Variants in SUSD5 observed in about 807,000 individuals in gnomAD.
SUSD5 encodes sushi domain containing 5, also known as sushi domain-containing protein 5.
SUSD5 carries 33 observed loss-of-function variants against 29.5 expected under a neutral mutation model. That is an observed-to-expected ratio of 1.12 (90% confidence interval 0.85 to 1.49). SUSD5 has a LOEUF of 1.49. SUSD5 is among the 40% of genes most tolerant of loss of function. SUSD5 has a pLI of 0.00. For synonymous variants in SUSD5, 308 were observed against 325.3 expected, an observed-to-expected ratio of 0.95 and a Z score of 0.57; for missense variants, 776 against 800.6, an observed-to-expected ratio of 0.97 and a Z score of 0.37.
At chr3:33,198,077 T>C (rs575827651) in intron 3 of SUSD5, among the ~76,000 whole-genome samples, 46 of 152,360 alleles carry the variant, frequency 3.0e-4, no homozygotes, top group African/African-American at 1.1e-3. Flanking sequence ...AAAGAAATTA[T>C]GCGTTGATTT....
rs1315387671 is a variant in SUSD5, at chr3:33,167,265, CCT to C, written c.598+7619_598+7620del. 6.6e-6 allele frequency among the ~76,000 whole-genome samples: 1 copy of C among 151,840 alleles called. No individual in the cohort carries two copies. Among genetic ancestry groups the C allele is most frequent in the Non-Finnish European group, 1.5e-5 (1 of 67,978 alleles). Reference sequence around the variant, plus strand: ...CACAGGCAGAAGATGAGTATGTTCTCCTCTCTCACTTTTTTGTGTGTGCAGGC... The same window carrying C: ...CACAGGCAGAAGATGAGTATGTTCTCCTCTCACTTTTTTGTGTGTGCAGGC... On this transcript the variant is annotated intron_variant, in intron 4 of 4. Transcript: ENST00000309558. The surrounding 1 kb of genome is among the most constrained non-coding windows in gnomAD (Gnocchi z 4.1).
At chr3:33,196,780 G>T (rs2032003727) in intron 3 of SUSD5, among the ~76,000 whole-genome samples, 1 of 152,194 alleles carries the variant, frequency 6.6e-6, no homozygotes, top group African/African-American at 2.4e-5. Flanking sequence ...CAAACTGGAA[G>T]GCAGGGCACC....
intron 3 of SUSD5, among the ~76,000 whole-genome samples, chr3:33,187,591 T>C (rs774977907): frequency 1.8e-4 from 27 of 152,170 alleles, no homozygotes; most frequent in Non-Finnish European, 2.9e-4. Context: ...AACAGCTGGC[T>C]ATATACCTGG....
intron 4 of SUSD5, among the ~76,000 whole-genome samples, chr3:33,160,392 T>TAA (rs71991629): frequency 3.6e-4 from 51 of 142,398 alleles, no homozygotes; most frequent in African/African-American, 1.1e-3. Flanking sequence ...CTTCATCTCT[T>TAA]AAAAAAAAAA....
At chr3:33,209,316 G>A (rs1383125912) in intron 2 of SUSD5, among the ~76,000 whole-genome samples, 1 of 152,096 alleles carries the variant, frequency 6.6e-6, no homozygotes, top group Non-Finnish European at 1.5e-5. Context: ...TTGAATCTGT[G>A]TCTGGATGTT....
intron 4 of SUSD5, among the ~76,000 whole-genome samples, chr3:33,160,700 C>T (rs1296718266): frequency 1.3e-5 from 2 of 152,166 alleles, no homozygotes; most frequent in South Asian, 2.1e-4. Flanking sequence ...TTATGAACTT[C>T]AGGCATCAAA....
chr3:33,218,745 C>A lies in SUSD5; in HGVS notation c.53G>T (p.Gly18Val). 7.2e-7 allele frequency: 1 copy of A among 1,388,600 alleles called. No individual in the cohort carries two copies. Among genetic ancestry groups the A allele is most frequent in the Non-Finnish European group, 9.3e-7 (1 of 1,078,104 alleles). The allele number at this position is 1,388,600 out of a possible 1,614,324, so 86.0% of individuals were successfully genotyped here. Reference protein sequence around the residue: ...PPARWHRRLPGLWAAALLLLG... With the variant: ...PPARWHRRLPVLWAAALLLLG... ...CAGGAGCAGCGCCGCCGCCCAGAGC[C>A]CGGGGAGGCGTCTGTGCCAACGGGC... The change falls in exon 1 of 5, where the codon GGG becomes GTG. Residue 18 changes from glycine to valine, a missense_variant. Coordinates refer to ENST00000309558, the MANE Select transcript of SUSD5 (RefSeq NM_015551.2).
intron 4 of SUSD5, among the ~76,000 whole-genome samples, chr3:33,170,093 A>G (rs1180908672): frequency 2.0e-5 from 3 of 151,774 alleles, no homozygotes; most frequent in Non-Finnish European, 4.4e-5. Flanking sequence ...TAATTTTTGT[A>G]TTTTTAGTAG....
chr3:33,185,341 A>G (rs1410806931), intron 3 of SUSD5, among the ~76,000 whole-genome samples: 1 of 152,190 alleles, frequency 6.6e-6, no homozygotes, highest in African/African-American at 2.4e-5. Context: ...TTTTTCTCTG[A>G]TATTTTCTGT....
Position 33,167,050 on chromosome 3 carries a change from G to A in SUSD5, c.598+7836C>T, listed in dbSNP as rs147263080. Among the ~76,000 whole-genome samples, 143 of 152,086 alleles carry A rather than the reference G, an allele frequency of 9.4e-4. 2 individuals carry two copies. In the East Asian group the frequency reaches 0.018, roughly 19 times the overall value. On this transcript the variant is annotated intron_variant, in intron 4 of 4. Transcript: ENST00000309558. The surrounding 1 kb of genome is among the most constrained non-coding windows in gnomAD (Gnocchi z 4.1). Reference sequence around the variant, plus strand: ...AAAAATTAGCTGAGCGTGGTGGTGCGTGCCTGTAATCCCAGGTACTCAGGA... The same window carrying A: ...AAAAATTAGCTGAGCGTGGTGGTGCATGCCTGTAATCCCAGGTACTCAGGA...
At chr3:33,171,168 C>G (rs997727059) in intron 4 of SUSD5, among the ~76,000 whole-genome samples, 1 of 152,026 alleles carries the variant, frequency 6.6e-6, no homozygotes, top group South Asian at 2.1e-4. Flanking sequence ...GCCAACATGG[C>G]GAAACCCCAT....
intron 4 of SUSD5, among the ~76,000 whole-genome samples, chr3:33,157,371 C>G (rs1033068919): frequency 1.3e-5 from 2 of 152,158 alleles, no homozygotes; most frequent in Non-Finnish European, 2.9e-5. Flanking sequence ...CTTCAAAAAA[C>G]AACAAAATGA....
rs191073476 is a variant in SUSD5, at chr3:33,199,112, C to A, written c.409+8696G>T. Reference sequence around the variant, plus strand: ...GCACTACTAAAAAAATCAAAATATACAAAATACAGAGCATGAACTATAAAT... The same window carrying A: ...GCACTACTAAAAAAATCAAAATATAAAAAATACAGAGCATGAACTATAAAT... On this transcript the variant is annotated intron_variant, in intron 3 of 4. Transcript: ENST00000309558. Among the ~76,000 whole-genome samples, 216 of 152,070 alleles carry A rather than the reference C, an allele frequency of 1.4e-3. 1 individual carries two copies. The highest frequency in any genetic ancestry group is 1.6e-3 in the Admixed American group (24 of 15,262).
At chr3:33,172,556 CTTGA>C (rs145292953) in intron 4 of SUSD5, among the ~76,000 whole-genome samples, 1,934 of 152,272 alleles carry the variant, frequency 0.013, 36 homozygotes, top group African/African-American at 0.044. Flanking sequence ...GGTGCTTATG[CTTGA>C]TTTTCTTGGG....
intron 4 of SUSD5, among the ~76,000 whole-genome samples, chr3:33,170,211 G>A (rs991051626): frequency 6.6e-6 from 1 of 152,094 alleles, no homozygotes; most frequent in Non-Finnish European, 1.5e-5. Context: ...GAGCCACCGC[G>A]CCCGGCCGCA....
At chr3:33,175,526 C>T (rs2031532512) in intron 3 of SUSD5, among the ~76,000 whole-genome samples, 1 of 151,732 alleles carries the variant, frequency 6.6e-6, no homozygotes, top group Admixed American at 6.6e-5. Context: ...ACACCGTTAT[C>T]AGTTTGGTAT....
rs2031650073 is a variant in SUSD5 at position 33,180,646 on chromosome 3, G to A, written c.410-5572C>T. On this transcript the variant is annotated intron_variant, in intron 3 of 4. Transcript: ENST00000309558. ...GTCAAAGACCAGCCTGGCCAACATG[G>A]TGAAACCCTAAAATTACTTTTTATA... 3.9e-5 allele frequency among the ~76,000 whole-genome samples: 6 copies of A among 152,092 alleles called. No homozygotes were observed. The South Asian group carries it at 1.2e-3, about 32-fold the overall frequency.
chr3:33,185,605 G>C (rs2125624583), intron 3 of SUSD5, among the ~76,000 whole-genome samples: 1 of 152,332 alleles, frequency 6.6e-6, no homozygotes, highest in East Asian at 1.9e-4. Context: ...TCACTTTGCT[G>C]ATGGATCTAA....
chr3:33,157,786 T>A (rs1311677788), intron 4 of SUSD5, among the ~76,000 whole-genome samples: 1 of 152,164 alleles, frequency 6.6e-6, no homozygotes, highest in Non-Finnish European at 1.5e-5. Flanking sequence ...AAAGACCCCA[T>A]GAAGGAGAGG....
Sources: gnomAD v4.1 joint callset for allele counts (sites outside exome capture counted in the v4.1 genomes callset) on GRCh38, gnomAD v4.1.1 for gene constraint, Gnocchi (gnomAD v3.1) non-coding constraint, MANE v1.5 for transcripts, NCBI Gene and HGNC (gene_info 2026-07-23, HGNC 2026-07-21) for gene names.